The following KLF12 variants were observed in gnomAD, a reference collection of about 807,000 sequenced individuals.
KLF12 encodes KLF transcription factor 12.
KLF12 carries 9 observed loss-of-function variants against 37.8 expected under a neutral mutation model. The ratio of observed to expected loss-of-function variants is 0.24; its 90% CI spans 0.14 to 0.42. KLF12 has a LOEUF of 0.42. Among genes scored for constraint, KLF12 ranks in the 10% least tolerant of loss-of-function variants. The pLI is 1.00. For synonymous variants in KLF12, 208 were observed against 202.1 expected (o/e 1.03, Z -0.25); for missense variants, 411 against 516.0 (o/e 0.80, Z 1.97).
chr13:74,105,502 A>C (rs1593904395), intron 1 of KLF12, among the ~76,000 whole-genome samples: 1 of 152,170 alleles, frequency 6.6e-6, no homozygotes, highest in East Asian at 1.9e-4. Context: ...GGTTTTTCCA[A>C]AAAGCAAACA....
chr13:73,744,605 G>A (rs1327705969), intron 6 of KLF12, among the ~76,000 whole-genome samples: 1 of 152,018 alleles, frequency 6.6e-6, no homozygotes, highest in East Asian at 1.9e-4. Flanking sequence ...AACAGCAAAT[G>A]AAGCCAGAAA....
chr13:73,986,023 A>G (rs1438723676), intron 2 of KLF12, among the ~76,000 whole-genome samples: 1 of 152,192 alleles, frequency 6.6e-6, no homozygotes, highest in African/African-American at 2.4e-5. Flanking sequence ...TATGGGTTGT[A>G]AGTAAGTGCA....
At chr13:73,838,747 A>C (rs1384680974) in intron 4 of KLF12, among the ~76,000 whole-genome samples, 4 of 152,230 alleles carry the variant, frequency 2.6e-5, no homozygotes, top group African/African-American at 9.6e-5. Context: ...TTCTTCAAGC[A>C]ATCTATTTTA....
chr13:73,957,281 T>C (rs1331650345), intron 2 of KLF12, among the ~76,000 whole-genome samples: 1 of 152,210 alleles, frequency 6.6e-6, no homozygotes, highest in African/African-American at 2.4e-5. Flanking sequence ...CTTTAAAAGA[T>C]AATTTTATTA....
At chr13:74,272,351 T>G in the KLF12 span, among the ~76,000 whole-genome samples, 1 of 152,196 alleles carries the variant, frequency 6.6e-6, no homozygotes, top group East Asian at 1.9e-4. Flanking sequence ...TTTCTTGGAC[T>G]GTCATTGAAG....
chr13:74,080,942 G>A (rs1192241091), intron 1 of KLF12, among the ~76,000 whole-genome samples: 1 of 152,170 alleles, frequency 6.6e-6, no homozygotes, highest in African/African-American at 2.4e-5. Flanking sequence ...ACTGATAACA[G>A]TGGGAGGAGC....
intron 4 of KLF12, among the ~76,000 whole-genome samples, chr13:73,842,075 C>T (rs1042559235): frequency 2.0e-5 from 3 of 152,148 alleles, no homozygotes; most frequent in African/African-American, 7.2e-5. Flanking sequence ...GTTCTAGCCT[C>T]ACTAGAAGGC....
chr13:73,763,726 C>G (rs947384927), intron 6 of KLF12, among the ~76,000 whole-genome samples: 4 of 152,126 alleles, frequency 2.6e-5, no homozygotes, highest in African/African-American at 9.7e-5. Context: ...AAGTCAAGAA[C>G]AGACCTGATT....
the KLF12 span, among the ~76,000 whole-genome samples, chr13:74,242,425 A>G: frequency 6.6e-6 from 1 of 152,114 alleles, no homozygotes; most frequent in Non-Finnish European, 1.5e-5. Context: ...GAAAGAGGAA[A>G]CCCCTTATAA....
intron 1 of KLF12, among the ~76,000 whole-genome samples, chr13:74,005,692 T>C (rs1193212032): frequency 6.6e-6 from 1 of 152,186 alleles, no homozygotes; most frequent in Non-Finnish European, 1.5e-5. Context: ...AGCGCAGCCA[T>C]ACAGCATCTA....
chr13:73,700,039 G>A (rs899685823), intron 7 of KLF12, among the ~76,000 whole-genome samples: 7 of 152,128 alleles, frequency 4.6e-5, no homozygotes, highest in Admixed American at 4.6e-4. Flanking sequence ...GCTGAGGTGA[G>A]AGGATCAATC....
the KLF12 span, among the ~76,000 whole-genome samples, chr13:74,145,861 C>T: frequency 3.3e-5 from 5 of 152,166 alleles, no homozygotes; most frequent in African/African-American, 4.8e-5. Flanking sequence ...TCCTCAAATA[C>T]ATTTTAAACC....
At chr13:74,292,233 C>T in the KLF12 span, among the ~76,000 whole-genome samples, 297 of 152,228 alleles carry the variant, frequency 2.0e-3, no homozygotes, top group African/African-American at 6.6e-3. Context: ...AGTACAAGGG[C>T]CTTTGGTGTC....
At chr13:74,215,601 G>A in the KLF12 span, among the ~76,000 whole-genome samples, 1 of 152,072 alleles carries the variant, frequency 6.6e-6, no homozygotes, top group South Asian at 2.1e-4. Flanking sequence ...CTCTGTGTGT[G>A]CTGTTAGAGC....
chr13:74,046,037 C>A (rs939258908), intron 1 of KLF12, among the ~76,000 whole-genome samples: 1 of 152,118 alleles, frequency 6.6e-6, no homozygotes, highest in Non-Finnish European at 1.5e-5. Flanking sequence ...CAGAAATTTG[C>A]CATAGGAACT....
chr13:73,934,262 T>C (rs1299944045), intron 3 of KLF12, among the ~76,000 whole-genome samples: 3 of 152,144 alleles, frequency 2.0e-5, no homozygotes, highest in Admixed American at 6.5e-5. Flanking sequence ...TATCACAAGT[T>C]ATCACTTACG....
chr13:73,785,411 G>A (rs1881278033), intron 5 of KLF12, among the ~76,000 whole-genome samples: 1 of 152,064 alleles, frequency 6.6e-6, no homozygotes, highest in African/African-American at 2.4e-5. Context: ...ACAAAGCCTC[G>A]CCCATTTTAT....
At chr13:73,953,566 A>G (rs559681654) in intron 2 of KLF12, among the ~76,000 whole-genome samples, 1 of 152,330 alleles carries the variant, frequency 6.6e-6, no homozygotes, top group African/African-American at 2.4e-5. Flanking sequence ...ATGAAATAAC[A>G]TCACTGGTCT....
intron 3 of KLF12, among the ~76,000 whole-genome samples, chr13:73,920,443 C>T (rs1482880031): frequency 6.6e-6 from 1 of 151,992 alleles, no homozygotes; most frequent in East Asian, 1.9e-4. Flanking sequence ...GATTTAACTG[C>T]TTAGTCAAGT....
Sources: gnomAD v4.1 joint callset for allele counts (sites outside exome capture counted in the v4.1 genomes callset) on GRCh38, gnomAD v4.1.1 for gene constraint, MANE v1.5 for transcripts, NCBI Gene and HGNC (gene_info 2026-07-23, HGNC 2026-07-21) for gene names.